The following PGCKA1 variants were observed in gnomAD, a reference collection of about 807,000 sequenced individuals.
PGCKA1 encodes the protein PDCD10 and GCKIII kinases associated 1.
At chr4:37,533,326 AG>A in the PGCKA1 span, among the ~76,000 whole-genome samples, 38,880 of 152,028 alleles carry the variant, frequency 0.26, 5,134 homozygotes, top group Non-Finnish European at 0.28. Flanking sequence ...AGTGAATTAA[AG>A]GGGGGTTAAG....
chr4:37,500,742 G>A, the PGCKA1 span, among the ~76,000 whole-genome samples: 1 of 152,234 alleles, frequency 6.6e-6, no homozygotes, highest in Non-Finnish European at 1.5e-5. Flanking sequence ...CAGTATTATT[G>A]TGTGGGAATC....
the PGCKA1 span, among the ~76,000 whole-genome samples, chr4:37,564,447 T>C: frequency 1.2e-4 from 19 of 152,268 alleles, no homozygotes; most frequent in East Asian, 3.7e-3. Flanking sequence ...GTACTTCTGG[T>C]AATGCAGCCA....
chr4:37,527,690 C>T, the PGCKA1 span, among the ~76,000 whole-genome samples: 1 of 150,640 alleles, frequency 6.6e-6, no homozygotes, highest in African/African-American at 2.4e-5. Flanking sequence ...ATTAACTGGG[C>T]GTGGTGGCGG....
the PGCKA1 span, among the ~76,000 whole-genome samples, chr4:37,530,409 CA>C: frequency 7.2e-4 from 108 of 150,284 alleles, no homozygotes; most frequent in Non-Finnish European, 1.1e-3. Context: ...CTGTCTCTAC[CA>C]AAAGAATATA....
chr4:37,571,689 C>T, the PGCKA1 span, among the ~76,000 whole-genome samples: 1 of 152,070 alleles, frequency 6.6e-6, no homozygotes, highest in Admixed American at 6.5e-5. Context: ...AAATGCCCGC[C>T]ACCACGCCTG....
At chr4:37,509,290 G>GTGGTGGGGCGGAGGCACCCCCCAC in the PGCKA1 span, among the ~76,000 whole-genome samples, 1 of 121,258 alleles carries the variant, frequency 8.2e-6, no homozygotes, top group Non-Finnish European at 1.8e-5. Flanking sequence ...AGACAGGGCG[G>GTGGTGGGGCGGAGGCACCCCCCAC]CTGCTGGGCG....
At chr4:37,569,364 A>AT in the PGCKA1 span, among the ~76,000 whole-genome samples, 5 of 151,338 alleles carry the variant, frequency 3.3e-5, no homozygotes, top group Non-Finnish European at 7.4e-5. Context: ...CGCCCAGCTA[A>AT]TTTTTTGTAT....
At chr4:37,537,723 G>A in the PGCKA1 span, among the ~76,000 whole-genome samples, 1 of 152,152 alleles carries the variant, frequency 6.6e-6, no homozygotes, top group Non-Finnish European at 1.5e-5. Flanking sequence ...TGCAGTGATA[G>A]GCTTTGTTGC....
the PGCKA1 span, among the ~76,000 whole-genome samples, chr4:37,513,783 A>T: frequency 6.6e-6 from 1 of 152,348 alleles, no homozygotes; most frequent in African/African-American, 2.4e-5. Flanking sequence ...TTGTGTGGAG[A>T]CTAAATAAGG....
At chr4:37,493,693 A>C in the PGCKA1 span, among the ~76,000 whole-genome samples, 1,526 of 152,248 alleles carry the variant, frequency 0.01, 22 homozygotes, top group African/African-American at 0.034. Flanking sequence ...ATACCCATTA[A>C]CCATTCTCAC....
At chr4:37,568,371 C>G in the PGCKA1 span, among the ~76,000 whole-genome samples, 24,110 of 152,274 alleles carry the variant, frequency 0.16, 2,174 homozygotes, top group Middle Eastern at 0.23. Flanking sequence ...GAAAACCACT[C>G]TGCCCTCCTG....
chr4:37,588,755 T>C, the PGCKA1 span: 1 of 913,162 alleles, frequency 1.1e-6, no homozygotes, highest in Non-Finnish European at 1.8e-6. Context: ...TCTTAATACA[T>C]TTTGAGTCTC....
At chr4:37,520,289 T>G in the PGCKA1 span, among the ~76,000 whole-genome samples, 5 of 152,228 alleles carry the variant, frequency 3.3e-5, no homozygotes, top group East Asian at 7.7e-4. Flanking sequence ...AGTTTGGAAG[T>G]ATTCCCTTCT....
chr4:37,514,578 A>G, the PGCKA1 span, among the ~76,000 whole-genome samples: 170 of 152,278 alleles, frequency 1.1e-3, no homozygotes, highest in African/African-American at 3.9e-3. Context: ...TATCAACACT[A>G]TGAGTACACA....
At chr4:37,471,607 C>T in the PGCKA1 span, among the ~76,000 whole-genome samples, 2 of 151,836 alleles carry the variant, frequency 1.3e-5, no homozygotes, top group African/African-American at 4.8e-5. Flanking sequence ...ATTAAATAAT[C>T]CTTAAATAAA....
At chr4:37,546,945 C>T in the PGCKA1 span, among the ~76,000 whole-genome samples, 1 of 152,252 alleles carries the variant, frequency 6.6e-6, no homozygotes, top group East Asian at 1.9e-4. Context: ...TTGGAACTTG[C>T]CCACTCCATT....
the PGCKA1 span, among the ~76,000 whole-genome samples, chr4:37,571,558 GAC>G: frequency 2.0e-3 from 267 of 130,554 alleles, no homozygotes; most frequent in Non-Finnish European, 3.4e-3. Context: ...TATTTTTTGA[GAC>G]AGAGTCTCGC....
the PGCKA1 span, among the ~76,000 whole-genome samples, chr4:37,527,789 C>A: frequency 6.6e-6 from 1 of 150,912 alleles, no homozygotes; most frequent in South Asian, 2.1e-4. Flanking sequence ...GAGATCGCAC[C>A]ACTGCGCTCC....
chr4:37,593,496 G>A, the PGCKA1 span, among the ~76,000 whole-genome samples: 1 of 151,894 alleles, frequency 6.6e-6, no homozygotes, highest in Non-Finnish European at 1.5e-5. Flanking sequence ...AAAGAATAAA[G>A]GAATAAAAAC....
Sources: gnomAD v4.1 joint callset for allele counts (sites outside exome capture counted in the v4.1 genomes callset) on GRCh38, gnomAD v4.1.1 for gene constraint, MANE v1.5 for transcripts, NCBI Gene and HGNC (gene_info 2026-07-23, HGNC 2026-07-21) for gene names.